The following RAB3IP variants were observed in gnomAD, a reference collection of about 807,000 sequenced individuals.
RAB3IP encodes the protein rab-3A-interacting protein.
Under a neutral mutation model 59.1 loss-of-function variants are expected in RAB3IP, and 36 were observed. The ratio of observed to expected loss-of-function variants is 0.61; its 90% CI spans 0.47 to 0.80. The LOEUF is 0.80. RAB3IP is among the 30% of genes least tolerant of loss of function. The pLI is 0.00. For missense variants in RAB3IP, 511 were observed against 536.0 expected (o/e 0.95, Z 0.46); for synonymous variants, 207 against 191.2 (o/e 1.08, Z -0.68).
chr12:69,784,616 T>C (rs1875321638), intron 3 of RAB3IP, 104 bp from the exon 4 acceptor site: 2 of 462,956 alleles, frequency 4.3e-6, no homozygotes, highest in East Asian at 7.4e-5. Context: ...TTGTCAGAAG[T>C]GACAGTATTC....
At chr12:69,780,944 C>A (rs1001295208) in intron 3 of RAB3IP, among the ~76,000 whole-genome samples, 1 of 152,102 alleles carries the variant, frequency 6.6e-6, no homozygotes, top group African/African-American at 2.4e-5. Context: ...ACTGTCTCTT[C>A]CCTTTTCCTG....
intron 1 of RAB3IP, among the ~76,000 whole-genome samples, chr12:69,742,844 G>C (rs1887486731): frequency 6.6e-6 from 1 of 152,134 alleles, no homozygotes; most frequent in Non-Finnish European, 1.5e-5. Flanking sequence ...ATCGTACATA[G>C]TCATGGTTAG....
chr12:69,772,491 G>T lies in RAB3IP; in HGVS notation c.511-12229G>T, dbSNP rs113692442. Among the ~76,000 whole-genome samples, 62 of 152,156 alleles carry T rather than the reference G, an allele frequency of 4.1e-4. 1 individual carries two copies. Among genetic ancestry groups the T allele is most frequent in the African/African-American group, 1.4e-3 (60 of 41,532 alleles). On this transcript the variant is annotated intron_variant, in intron 3 of 10. Transcript: ENST00000247833. The stretch of plus-strand genomic sequence containing the variant: ...TTTTGTAGATCCTTCCTTCCACTCT[G>T]ACTGTCTTCCTTTGTGGTTAAGTGA...
intron 5 of RAB3IP, 146 bp downstream of exon 5, chr12:69,794,660 A>C: frequency 1.7e-6 from 1 of 601,798 alleles, no homozygotes; most frequent in Non-Finnish European, 2.9e-6. Flanking sequence ...GAAAATAGCT[A>C]CTATGTAGGT....
chr12:69,815,648 A>T lies in RAB3IP; in HGVS notation c.*202A>T, dbSNP rs1048052522. ...TCTTTAGTTGAACACACTATGAAGA[A>T]TTCCAGGTGTACTAGTGAATGTAAT... On this transcript the variant is annotated 3_prime_UTR_variant, in exon 11 of 11. Transcript: ENST00000247833. 1.4e-5 allele frequency: 5 copies of T among 367,990 alleles called. No homozygotes were observed. The highest frequency in any genetic ancestry group is 8.4e-5 in the African/African-American group (4 of 47,514). 22.8% of individuals were successfully genotyped at this position (367,990 alleles called of 1,614,324 possible). A position where few individuals can be genotyped will look rare whatever the true frequency, so the allele number is the denominator to read the frequency against.
chr12:69,771,594 T>C (rs1419947961), intron 3 of RAB3IP, among the ~76,000 whole-genome samples: 1 of 152,090 alleles, frequency 6.6e-6, no homozygotes, highest in Non-Finnish European at 1.5e-5. Flanking sequence ...CTTTTGAGAA[T>C]AGTGCTGCGG....
rs528841555 is a variant in RAB3IP at position 69,808,274 on chromosome 12, G to A, written c.1131-4504G>A. Among the ~76,000 whole-genome samples the A allele has an allele frequency of 6.6e-5, 10 of 152,252 alleles. No individual in the cohort carries two copies. In the East Asian group the frequency reaches 1.9e-3, roughly 29 times the overall value. On this transcript the variant is annotated intron_variant, in intron 8 of 10. Transcript: ENST00000247833. ...TGAGAGACAGTTTGTTATAATTTCTGTTCTTTTACATTTGCTGAGGTGTGC... is the reference window on the plus strand; with the variant it reads ...TGAGAGACAGTTTGTTATAATTTCTATTCTTTTACATTTGCTGAGGTGTGC...
chr12:69,804,816 C>T (rs1256787972), intron 8 of RAB3IP, among the ~76,000 whole-genome samples: 2 of 152,022 alleles, frequency 1.3e-5, no homozygotes, highest in African/African-American at 4.8e-5. Flanking sequence ...AGATATGCGG[C>T]ATTATTTCTG....
At position 69,820,652 on chromosome 12, in the gene RAB3IP, A is replaced by G. The variant is rs1455819322; in HGVS notation, c.*5206A>G. On this transcript the variant is annotated 3_prime_UTR_variant, in exon 11 of 11. Transcript: ENST00000247833. ...GGCGGGCGGATCCCCTGAGGTTGGT[A>G]GTTCGAGACCTGCTTGGCCAACATG... is the stretch of plus-strand genomic sequence containing the variant. The G allele has an allele frequency of 6.6e-6, 1 of 151,950 alleles. No homozygotes were observed. Among genetic ancestry groups the G allele is most frequent in the Non-Finnish European group, 1.5e-5 (1 of 68,110 alleles). The allele number at this position is 151,950 out of a possible 1,614,324, so 9.4% of individuals were successfully genotyped here. A position where few individuals can be genotyped will look rare whatever the true frequency, so the allele number is the denominator to read the frequency against.
chr12:69,797,091 G>A (rs1003387857), intron 6 of RAB3IP, among the ~76,000 whole-genome samples: 3 of 152,190 alleles, frequency 2.0e-5, no homozygotes, highest in Non-Finnish European at 4.4e-5. Flanking sequence ...TAACAATCTG[G>A]AAGAAAATTA....
intron 1 of RAB3IP, among the ~76,000 whole-genome samples, 171 bp from the exon 2 acceptor site, chr12:69,755,213 G>A (rs568731212): frequency 6.6e-6 from 1 of 152,080 alleles, no homozygotes; most frequent in East Asian, 1.9e-4. Context: ...CGAGTAGCTG[G>A]TACTACAGGC....
chr12:69,756,462 T>C lies in RAB3IP; in HGVS notation c.309T>C (p.Thr103=). ...CSTSGVTAGL[T]KLTTRKDNYN... is the part of the protein sequence containing the mutation. ...CCTCTGGAGTCACAGCTGGATTAAC[T>C]AAATTAACTACAAGAAAGGACAACT... The change falls in exon 3 of 11, where the codon ACT becomes ACC. Residue 103 remains threonine, a synonymous_variant. Transcript: ENST00000247833. The C allele has an allele frequency of 6.2e-7, 1 of 1,614,074 alleles. No individual in the cohort carries two copies. Among genetic ancestry groups the C allele is most frequent in the Non-Finnish European group, 8.5e-7 (1 of 1,179,968 alleles).
At chr12:69,756,708 T>C (rs200807874) in intron 3 of RAB3IP, 45 bp downstream of exon 3, 4 of 1,515,278 alleles carry the variant, frequency 2.6e-6, no homozygotes, top group Non-Finnish European at 3.6e-6. Context: ...ATATTAGAAA[T>C]TAGTATTTCT....
At chr12:69,770,949 C>G (rs1317019876) in intron 3 of RAB3IP, among the ~76,000 whole-genome samples, 2 of 152,136 alleles carry the variant, frequency 1.3e-5, no homozygotes, top group Admixed American at 6.6e-5. Context: ...AACACCAGAA[C>G]TTATTTCTCC....
At chr12:69,804,117 A>G (rs1371926922) in intron 8 of RAB3IP, among the ~76,000 whole-genome samples, 1 of 152,156 alleles carries the variant, frequency 6.6e-6, no homozygotes, top group Admixed American at 6.5e-5. Context: ...TCCCACCAAC[A>G]GTGTAAAAGT....
chr12:69,812,598 G>A (rs990323119), intron 8 of RAB3IP, 180 bp from the exon 9 acceptor site: 2 of 573,682 alleles, frequency 3.5e-6, no homozygotes, highest in Non-Finnish European at 6.2e-6. Context: ...TAGAATGTAA[G>A]TCTCACAAGG....
At position 69,823,176 on chromosome 12, in the gene RAB3IP, AAT is replaced by A. The variant is rs1298240570; in HGVS notation, c.*7732_*7733del. 6.6e-6 allele frequency: 1 copy of A among 152,134 alleles called. No individual in the cohort carries two copies. The allele number at this position is 152,134 out of a possible 1,614,324, so 9.4% of individuals were successfully genotyped here. ...GCAATTATTATTTGTTAATTAAAAA[AAT>A]AAAAAAAAGACCCACCCACTGTTTA... On this transcript the variant is annotated 3_prime_UTR_variant, in exon 11 of 11. Coordinates refer to ENST00000247833, the MANE Select transcript of RAB3IP (RefSeq NM_022456.5).
At position 69,815,555 on chromosome 12, in the gene RAB3IP, C is replaced by T; in HGVS notation, c.*109C>T. On this transcript the variant is annotated 3_prime_UTR_variant, in exon 11 of 11. Transcript: ENST00000247833. The stretch of plus-strand genomic sequence containing the variant: ...AAGGAGTGAGCCTAAGACTTTTTTC[C>T]CCTTTTGCAAATTGCTCTAAGAAGT... 2.6e-6 allele frequency: 2 copies of T among 764,916 alleles called. No homozygotes were observed. Among genetic ancestry groups the T allele is most frequent in the South Asian group, 1.7e-5 (1 of 57,170 alleles). 47.4% of individuals were successfully genotyped at this position (764,916 alleles called of 1,614,324 possible). A position where few individuals can be genotyped will look rare whatever the true frequency, so the allele number is the denominator to read the frequency against.
At chr12:69,785,444 G>C (rs1162393392) in intron 4 of RAB3IP, among the ~76,000 whole-genome samples, 3 of 152,172 alleles carry the variant, frequency 2.0e-5, no homozygotes, top group Non-Finnish European at 4.4e-5. Context: ...GGCTCTTGCT[G>C]TTATGGAGGC....
Sources: gnomAD v4.1 joint callset for allele counts (sites outside exome capture counted in the v4.1 genomes callset) on GRCh38, gnomAD v4.1.1 for gene constraint, MANE v1.5 for transcripts, NCBI Gene and HGNC (gene_info 2026-07-23, HGNC 2026-07-21) for gene names.